The following CSMD2 variants were observed in gnomAD, a reference collection of about 807,000 sequenced individuals.
The protein encoded by CSMD2 is CUB and Sushi multiple domains 2.
A neutral mutation model predicts 398.5 loss-of-function variants in CSMD2; 130 were observed. The ratio of observed to expected loss-of-function variants is 0.33; its 90% CI spans 0.28 to 0.38. CSMD2 has a LOEUF of 0.38. Ranked by LOEUF, CSMD2 falls within the 10% of genes least tolerant of loss-of-function variation. The pLI is 1.00. For missense variants in CSMD2, 3,829 were observed against 4,764.9 expected (o/e 0.80, Z 5.78); for synonymous variants, 1,828 against 1,908.5 (o/e 0.96, Z 1.10).
intron 3 of CSMD2, among the ~76,000 whole-genome samples, chr1:33,975,747 C>T (rs569949108): frequency 1.1e-4 from 17 of 152,162 alleles, no homozygotes; most frequent in Admixed American, 9.8e-4. Flanking sequence ...ACTCCACTGA[C>T]GCTCCAGTGG....
At chr1:33,875,743 A>T (rs1303905790) in intron 5 of CSMD2, among the ~76,000 whole-genome samples, 3 of 152,220 alleles carry the variant, frequency 2.0e-5, no homozygotes, top group Non-Finnish European at 2.9e-5. Flanking sequence ...GGCAGGAGGA[A>T]TGAAGGAAGA....
intron 23 of CSMD2, among the ~76,000 whole-genome samples, chr1:33,700,010 A>ATTTTTTTTTTTTTTTTTT (rs5773425): frequency 6.7e-6 from 1 of 148,390 alleles, no homozygotes; most frequent in African/African-American, 2.5e-5. Flanking sequence ...ACTTTACTCC[A>ATTTTTTTTTTTTTTTTTT]TTTTTTTTTT....
chr1:34,068,948 T>G (rs1570994583), intron 2 of CSMD2, among the ~76,000 whole-genome samples: 1 of 152,338 alleles, frequency 6.6e-6, no homozygotes, highest in East Asian at 1.9e-4. Flanking sequence ...TGTGGAACTG[T>G]AAGTCCATTA....
At chr1:34,152,586 T>C (rs943355631) in intron 1 of CSMD2, among the ~76,000 whole-genome samples, 4 of 152,138 alleles carry the variant, frequency 2.6e-5, no homozygotes, top group Non-Finnish European at 5.9e-5. Context: ...TCGCAAGCCA[T>C]TTCCTGCTCC....
intron 25 of CSMD2, among the ~76,000 whole-genome samples, chr1:33,666,692 GC>G (rs1238575393): frequency 6.6e-6 from 1 of 152,050 alleles, no homozygotes; most frequent in East Asian, 1.9e-4. Flanking sequence ...TAAGGCTGGG[GC>G]CCCACATTTG....
chr1:34,111,896 C>CCT (rs1389696840), intron 1 of CSMD2, among the ~76,000 whole-genome samples: 1 of 152,134 alleles, frequency 6.6e-6, no homozygotes, highest in Non-Finnish European at 1.5e-5. Context: ...CCATTACAGC[C>CCT]CTGTCTCTGT....
intron 5 of CSMD2, chr1:33,884,452 TCCTCCTCCCGCTTTGTC>T (rs942973219): frequency 6.6e-6 from 1 of 152,402 alleles, no homozygotes; most frequent in Admixed American, 6.5e-5. Context: ...GCCATCTTAT[TCCTCCTCCCGCTTTGTC>T]CCTCAGGTTA....
chr1:33,936,818 A>G (rs1444507368), intron 3 of CSMD2, among the ~76,000 whole-genome samples: 1 of 152,076 alleles, frequency 6.6e-6, no homozygotes. Context: ...ACCTCCTATC[A>G]TTCTAGGATA....
chr1:33,520,455 C>T (rs964158375), intron 68 of CSMD2, among the ~76,000 whole-genome samples: 2 of 152,138 alleles, frequency 1.3e-5, no homozygotes, highest in African/African-American at 4.8e-5. Context: ...AACTGTGGCC[C>T]CAGTAGGCAC....
chr1:33,808,491 G>T (rs916415162), intron 10 of CSMD2, among the ~76,000 whole-genome samples: 7 of 151,838 alleles, frequency 4.6e-5, no homozygotes, highest in African/African-American at 1.7e-4. Context: ...CTTCTAAATA[G>T]CTCATGCTTA....
intron 19 of CSMD2, 37 bp from the exon 20 acceptor site, chr1:33,716,538 A>AAT: frequency 6.8e-7 from 1 of 1,474,236 alleles, no homozygotes; most frequent in Non-Finnish European, 9.4e-7. Flanking sequence ...GTTGATGGCG[A>AAT]GATGGCTGGA....
At chr1:33,557,982 C>A (rs890849485) in intron 54 of CSMD2, 60 bp from the exon 55 acceptor site, 2 of 1,436,280 alleles carry the variant, frequency 1.4e-6, no homozygotes, top group Non-Finnish European at 1.9e-6. Flanking sequence ...ATCTTCCGAG[C>A]AAAACTAGGC....
Position 33,521,651 on chromosome 1 carries a change from T to C in CSMD2, c.10510-101A>G, listed in dbSNP as rs1654308571. ...CTGCCCAGCAGGTCACCCACTGACC[T>C]GCTGCTCTGACACACAGGGTTTGTT... On this transcript the variant is annotated intron_variant, in intron 67 of 70. Coordinates refer to ENST00000373381, the MANE Select transcript of CSMD2 (RefSeq NM_001281956.2). 4 of 802,688 alleles carry C rather than the reference T, an allele frequency of 5.0e-6. No individual in the cohort carries two copies. In the Admixed American group the frequency reaches 7.5e-5, roughly 15 times the overall value. 49.7% of individuals were successfully genotyped at this position (802,688 alleles called of 1,614,324 possible). A position where few individuals can be genotyped will look rare whatever the true frequency, so the allele number is the denominator to read the frequency against.
intron 67 of CSMD2, 95 bp from the exon 68 acceptor site, chr1:33,521,645 C>T (rs1654307938): frequency 2.4e-6 from 2 of 818,622 alleles, no homozygotes; most frequent in Non-Finnish European, 4.3e-6. Context: ...AGGTCACCCA[C>T]TGACCTGCTG....
intron 3 of CSMD2, among the ~76,000 whole-genome samples, chr1:33,955,272 C>T (rs923727956): frequency 2.6e-5 from 4 of 152,158 alleles, no homozygotes; most frequent in Non-Finnish European, 5.9e-5. Flanking sequence ...CTGAGTGGGG[C>T]GGGGTGGGAG....
chr1:34,101,719 A>AT (rs969192416), intron 1 of CSMD2, among the ~76,000 whole-genome samples: 3 of 151,728 alleles, frequency 2.0e-5, no homozygotes, highest in East Asian at 1.9e-4. Context: ...TCATTGTGGT[A>AT]TTTTTTTCCC....
chr1:33,683,501 G>A (rs189860327), intron 25 of CSMD2, among the ~76,000 whole-genome samples: 28 of 152,294 alleles, frequency 1.8e-4, no homozygotes, highest in East Asian at 3.9e-4. Context: ...CACAGGGAAC[G>A]TGCATTTCTT....
chr1:33,714,694 G>A lies in CSMD2; in HGVS notation c.3299C>T (p.Thr1100Ile), dbSNP rs267598564. 4 of 1,614,108 alleles carry A rather than the reference G, an allele frequency of 2.5e-6. No homozygotes were observed. The East Asian group carries it at 8.9e-5, about 36-fold the overall frequency. The change falls in exon 21 of 71, where the codon ACC (threonine) becomes ATC (isoleucine). Residue 1100 changes from threonine to isoleucine, a missense_variant. Around this residue, in one of 5 missense-constraint regions of CSMD2, gnomAD observed 2,001 missense variants for 2,567.1 expected, o/e 0.78. Coordinates refer to ENST00000373381, the MANE Select transcript of CSMD2 (RefSeq NM_001281956.2). ...CCCGGGGAAGCAGGAGAAGGTCAAG[G>A]TGTCGCCCACGCCAAACTGCAAGCC... is the stretch of plus-strand genomic sequence containing the variant. ...RKGLQFGVGDTLTFSCFPGYR... is the reference protein window; with the variant it reads ...RKGLQFGVGDILTFSCFPGYR...
chr1:33,928,459 C>T (rs895816261), intron 4 of CSMD2, among the ~76,000 whole-genome samples: 1 of 152,210 alleles, frequency 6.6e-6, no homozygotes, highest in Admixed American at 6.5e-5. Flanking sequence ...AGGCCCTCTG[C>T]TATGTGCTTA....
Sources: gnomAD v4.1 joint callset for allele counts (sites outside exome capture counted in the v4.1 genomes callset) on GRCh38, gnomAD v4.1.1 for gene constraint, gnomAD v4.1.1 regional missense constraint, MANE v1.5 for transcripts, NCBI Gene and HGNC (gene_info 2026-07-23, HGNC 2026-07-21) for gene names.